The following CTNND2 variants were observed in gnomAD, a reference collection of about 807,000 sequenced individuals.
CTNND2 encodes the protein catenin delta 2, also known as catenin delta-2.
CTNND2 carries 22 observed loss-of-function variants against 144.4 expected under a neutral mutation model. The ratio of observed to expected loss-of-function variants is 0.15; its 90% CI spans 0.11 to 0.22. The LOEUF (loss-of-function observed/expected upper bound fraction) is 0.22, where lower values mean the gene tolerates loss of function less well. Among genes scored for constraint, CTNND2 ranks in the 10% least tolerant of loss-of-function variants. The probability of loss-of-function intolerance (pLI) is 1.00; values close to 1 mark genes in which losing one functional copy is unlikely to be tolerated. For synonymous variants in CTNND2, 751 were observed against 695.6 expected (o/e 1.08, Z -1.25); for missense variants, 1,353 against 1,618.8 (o/e 0.84, Z 2.82).
chr5:11,479,896 T>A (rs1180652610), intron 3 of CTNND2, among the ~76,000 whole-genome samples: 1 of 152,218 alleles, frequency 6.6e-6, no homozygotes, highest in Non-Finnish European at 1.5e-5. Flanking sequence ...TCCTTATAGA[T>A]GTTGAATATT....
chr5:11,081,376 T>C (rs1260069249), intron 16 of CTNND2, among the ~76,000 whole-genome samples: 1 of 152,220 alleles, frequency 6.6e-6, no homozygotes, highest in Non-Finnish European at 1.5e-5. Flanking sequence ...ATCAGCTTGA[T>C]TTAATCAGTT....
chr5:11,083,392 GA>G (rs997248749), intron 15 of CTNND2, among the ~76,000 whole-genome samples: 1 of 152,190 alleles, frequency 6.6e-6, no homozygotes, highest in African/African-American at 2.4e-5. Flanking sequence ...ATATGACATT[GA>G]AAAGCAAGAG....
chr5:11,129,472 G>A (rs1405505824), intron 12 of CTNND2, among the ~76,000 whole-genome samples: 1 of 149,252 alleles, frequency 6.7e-6, no homozygotes, highest in Non-Finnish European at 1.5e-5. Flanking sequence ...GAGCAACACT[G>A]ATGTGATGTT....
intron 19 of CTNND2, 99 bp downstream of exon 19, chr5:10,992,452 A>C: frequency 1.3e-6 from 2 of 1,532,580 alleles, no homozygotes; most frequent in South Asian, 1.1e-5. Context: ...TCTGAATGGA[A>C]GGCTCTCCTC....
intron 3 of CTNND2, among the ~76,000 whole-genome samples, chr5:11,461,257 A>C (rs774637847): frequency 1.3e-5 from 2 of 152,118 alleles, no homozygotes; most frequent in Non-Finnish European, 2.9e-5. Context: ...AACATAGATA[A>C]GTAAGGCACT....
intron 15 of CTNND2, among the ~76,000 whole-genome samples, chr5:11,084,537 T>G (rs1266717543): frequency 6.6e-6 from 1 of 152,168 alleles, no homozygotes; most frequent in Admixed American, 6.5e-5. Flanking sequence ...AATGACATAT[T>G]GCAAAAGGAA....
chr5:11,868,452 G>C (rs1204127768), intron 1 of CTNND2, among the ~76,000 whole-genome samples: 1 of 152,148 alleles, frequency 6.6e-6, no homozygotes, highest in Non-Finnish European at 1.5e-5. Flanking sequence ...TCAGAATCAA[G>C]GGGATCATGG....
chr5:11,847,117 T>A (rs1794771406), intron 1 of CTNND2, among the ~76,000 whole-genome samples: 1 of 130,948 alleles, frequency 7.6e-6, no homozygotes, highest in South Asian at 2.5e-4. Context: ...AAAATCAGTA[T>A]GTCAAAGATT....
chr5:11,547,929 C>T (rs1398317820), intron 3 of CTNND2, among the ~76,000 whole-genome samples: 2 of 152,172 alleles, frequency 1.3e-5, no homozygotes, highest in South Asian at 2.1e-4. Context: ...CACAAGGAGA[C>T]TCATATGACA....
chr5:11,006,375 G>A (rs1580010565), intron 18 of CTNND2, among the ~76,000 whole-genome samples: 1 of 152,318 alleles, frequency 6.6e-6, no homozygotes, highest in East Asian at 1.9e-4. Flanking sequence ...TGGAGGTGAG[G>A]CAGTGGGCAT....
chr5:11,202,961 C>T (rs552502502), intron 10 of CTNND2, among the ~76,000 whole-genome samples: 2 of 152,092 alleles, frequency 1.3e-5, no homozygotes, highest in Non-Finnish European at 2.9e-5. Flanking sequence ...CATGCCATCA[C>T]GTCTGGCTAA....
intron 16 of CTNND2, among the ~76,000 whole-genome samples, chr5:11,040,668 A>C (rs1329975949): frequency 2.6e-5 from 4 of 152,224 alleles, no homozygotes; most frequent in Non-Finnish European, 4.4e-5. Context: ...AATGGCAGTT[A>C]ATTAACAAGA....
At chr5:11,101,323 A>G (rs535852399) in intron 14 of CTNND2, among the ~76,000 whole-genome samples, 4 of 152,330 alleles carry the variant, frequency 2.6e-5, no homozygotes, top group Non-Finnish European at 5.9e-5. Flanking sequence ...TTGGGTTAAC[A>G]TGCTTGATAT....
chr5:11,504,166 G>C (rs1770788280), intron 3 of CTNND2, among the ~76,000 whole-genome samples: 1 of 152,174 alleles, frequency 6.6e-6, no homozygotes, highest in Non-Finnish European at 1.5e-5. Context: ...GAAGAGTGCA[G>C]ACAGGGAACC....
intron 12 of CTNND2, among the ~76,000 whole-genome samples, chr5:11,131,507 G>A (rs1165919977): frequency 1.3e-5 from 2 of 152,224 alleles, no homozygotes; most frequent in African/African-American, 4.8e-5. Context: ...AGCCTTTCCG[G>A]CTGGGCACAG....
At chr5:11,245,081 A>G (rs758339651) in intron 9 of CTNND2, among the ~76,000 whole-genome samples, 4 of 152,240 alleles carry the variant, frequency 2.6e-5, no homozygotes, top group Non-Finnish European at 5.9e-5. Flanking sequence ...ATTTGCATCA[A>G]ATTTGATTAT....
chr5:11,684,339 T>A (rs999136132), intron 2 of CTNND2, among the ~76,000 whole-genome samples: 7 of 152,144 alleles, frequency 4.6e-5, no homozygotes, highest in African/African-American at 1.7e-4. Flanking sequence ...CCTGACCTCA[T>A]GATCCACCCG....
At chr5:11,174,058 A>C (rs1459777728) in intron 11 of CTNND2, among the ~76,000 whole-genome samples, 1 of 152,166 alleles carries the variant, frequency 6.6e-6, no homozygotes, top group Non-Finnish European at 1.5e-5. Context: ...GCTGGCTGGC[A>C]GCTCGGCTGG....
intron 1 of CTNND2, among the ~76,000 whole-genome samples, chr5:11,739,145 T>G (rs1362756225): frequency 6.6e-6 from 1 of 152,138 alleles, no homozygotes; most frequent in African/African-American, 2.4e-5. Flanking sequence ...AAGTGGAAGA[T>G]CTCCATCACT....
Sources: gnomAD v4.1 joint callset for allele counts (sites outside exome capture counted in the v4.1 genomes callset) on GRCh38, gnomAD v4.1.1 for gene constraint, MANE v1.5 for transcripts, NCBI Gene and HGNC (gene_info 2026-07-23, HGNC 2026-07-21) for gene names.